RALGPS1: variants seen among roughly 807,000 people sequenced by gnomAD.
The protein encoded by RALGPS1 is Ral GEF with PH domain and SH3 binding motif 1.
Under a neutral mutation model 78.8 loss-of-function variants are expected in RALGPS1, and 19 were observed. The observed-to-expected ratio is 0.24, with a 90% CI of 0.17 to 0.35. The LOEUF (loss-of-function observed/expected upper bound fraction) is 0.35. RALGPS1 is among the 10% of genes least tolerant of loss of function. The pLI, the probability that RALGPS1 is intolerant of heterozygous loss-of-function variation, is 1.00. For missense variants in RALGPS1, 454 were observed against 688.3 expected, an observed-to-expected ratio of 0.66 and a Z score of 3.81; for synonymous variants, 228 against 256.3, an observed-to-expected ratio of 0.89 and a Z score of 1.06.
chr9:127,091,732 G>A lies in RALGPS1; in HGVS notation c.610+22376G>A. On this transcript the variant is annotated intron_variant, in intron 8 of 18. Coordinates refer to ENST00000259351, the MANE Select transcript of RALGPS1 (RefSeq NM_014636.3). This position sits in a 1 kb window ranked among gnomAD's most constrained non-coding sequence, Gnocchi z 4.3. Reference sequence around the variant, plus strand: ...CTGCTTGCCGTTGTGCCATGTAAAGGAGTCACCCGCATTGCCATGGTAGCG... The same window carrying A: ...CTGCTTGCCGTTGTGCCATGTAAAGAAGTCACCCGCATTGCCATGGTAGCG... 1 of 1,614,060 alleles carries A rather than the reference G, an allele frequency of 6.2e-7. No individual in the cohort carries two copies. Among genetic ancestry groups the A allele is most frequent in the Non-Finnish European group, 8.5e-7 (1 of 1,180,022 alleles).
chr9:126,940,328 A>C (rs997651958), intron 1 of RALGPS1, among the ~76,000 whole-genome samples: 3 of 152,108 alleles, frequency 2.0e-5, no homozygotes. Context: ...AGTCCAAGCC[A>C]CGTAAATTCT....
chr9:127,151,848 C>T (rs1026858759), intron 8 of RALGPS1, among the ~76,000 whole-genome samples: 16 of 152,058 alleles, frequency 1.1e-4, no homozygotes, highest in African/African-American at 3.9e-4. Flanking sequence ...GGAAAACACC[C>T]TTCTCTGGGT....
At chr9:126,965,656 A>G (rs1449805176) in intron 2 of RALGPS1, among the ~76,000 whole-genome samples, 188 bp from the exon 3 acceptor site, 2 of 152,242 alleles carry the variant, frequency 1.3e-5, no homozygotes, top group African/African-American at 2.4e-5. Context: ...ACATGTGAGA[A>G]GGAAATAAGA....
chr9:127,164,857 T>G (rs542077834), intron 8 of RALGPS1, among the ~76,000 whole-genome samples: 96 of 152,294 alleles, frequency 6.3e-4, no homozygotes, highest in African/African-American at 2.2e-3. Flanking sequence ...TTGTTAACGT[T>G]GTTACTGTAA....
chr9:127,209,519 G>C (rs2062119185), intron 14 of RALGPS1, among the ~76,000 whole-genome samples: 1 of 152,194 alleles, frequency 6.6e-6, no homozygotes, highest in African/African-American at 2.4e-5. Context: ...GGTGGGGTCA[G>C]CCTATTACCA....
intron 8 of RALGPS1, among the ~76,000 whole-genome samples, chr9:127,115,809 A>G (rs996127842): frequency 1.3e-5 from 2 of 152,220 alleles, no homozygotes; most frequent in African/African-American, 4.8e-5. Flanking sequence ...AGACCCCAAA[A>G]TGGGCATCTG....
intron 14 of RALGPS1, among the ~76,000 whole-genome samples, chr9:127,207,906 G>A (rs982610997): frequency 6.6e-6 from 1 of 152,232 alleles, no homozygotes; most frequent in Non-Finnish European, 1.5e-5. Context: ...CAGCCACCCC[G>A]GCACAGGCCC....
At chr9:126,988,329 C>T (rs1178159499) in intron 4 of RALGPS1, among the ~76,000 whole-genome samples, 1 of 152,110 alleles carries the variant, frequency 6.6e-6, no homozygotes, top group Non-Finnish European at 1.5e-5. Context: ...GGCAGTGAGG[C>T]TTGGAAGGGA....
intron 13 of RALGPS1, 149 bp from the exon 14 acceptor site, chr9:127,198,865 CA>C (rs2061472888): frequency 2.7e-6 from 2 of 729,594 alleles, no homozygotes; most frequent in Non-Finnish European, 2.5e-6. Flanking sequence ...GAACTCACAG[CA>C]AAAACTCGAG....
chr9:127,080,343 G>A (rs1367858294), intron 8 of RALGPS1, among the ~76,000 whole-genome samples: 1 of 152,190 alleles, frequency 6.6e-6, no homozygotes, highest in Non-Finnish European at 1.5e-5. Flanking sequence ...ATTGCTTGTT[G>A]TAAAAATTAT....
chr9:126,923,106 G>A (rs1006061806), intron 1 of RALGPS1, among the ~76,000 whole-genome samples: 3 of 152,148 alleles, frequency 2.0e-5, no homozygotes. Flanking sequence ...GTAAATAGTG[G>A]GCTCCCAGTG....
chr9:127,113,387 C>T (rs922161282), intron 8 of RALGPS1, among the ~76,000 whole-genome samples: 1 of 152,100 alleles, frequency 6.6e-6, no homozygotes, highest in African/African-American at 2.4e-5. Flanking sequence ...AATTCCTCCC[C>T]TCCCCCCAGC....
intron 13 of RALGPS1, among the ~76,000 whole-genome samples, chr9:127,198,107 TTTGG>T (rs1228786267): frequency 6.6e-6 from 1 of 152,212 alleles, no homozygotes; most frequent in Non-Finnish European, 1.5e-5. Flanking sequence ...CATAAGGTTG[TTTGG>T]TTCCCGGCTC....
chr9:127,052,230 C>G (rs755408364), intron 6 of RALGPS1, among the ~76,000 whole-genome samples: 1 of 152,232 alleles, frequency 6.6e-6, no homozygotes, highest in Middle Eastern at 3.2e-3. Context: ...TAGCAGGTTT[C>G]TCTTAGCATA....
intron 8 of RALGPS1, among the ~76,000 whole-genome samples, chr9:127,120,566 G>A (rs1406832565): frequency 6.6e-6 from 1 of 152,238 alleles, no homozygotes; most frequent in Non-Finnish European, 1.5e-5. Flanking sequence ...GCTCACGCCT[G>A]CAATCCCAGC....
intron 11 of RALGPS1, among the ~76,000 whole-genome samples, chr9:127,189,862 G>A (rs1890546): frequency 0.53 from 80,292 of 152,154 alleles, 21,639 homozygotes; most frequent in South Asian, 0.72. Flanking sequence ...CCCCTGGTCC[G>A]TGGCACAGGG....
intron 11 of RALGPS1, among the ~76,000 whole-genome samples, chr9:127,180,334 C>T (rs2060136524): frequency 6.6e-6 from 1 of 152,200 alleles, no homozygotes. Context: ...CAGCCTTGGC[C>T]TCTGGTTTCT....
At chr9:127,147,922 G>GA (rs2058191488) in intron 8 of RALGPS1, among the ~76,000 whole-genome samples, 1 of 151,974 alleles carries the variant, frequency 6.6e-6, no homozygotes, top group Non-Finnish European at 1.5e-5. Flanking sequence ...TGCTCATCTT[G>GA]AAAAAATGGA....
At chr9:127,076,455 G>C (rs890206873) in intron 8 of RALGPS1, among the ~76,000 whole-genome samples, 1 of 152,174 alleles carries the variant, frequency 6.6e-6, no homozygotes, top group African/African-American at 2.4e-5. Flanking sequence ...AATTTACCCA[G>C]ACTTCTAACA....
Sources: allele counts gnomAD v4.1 joint callset (sites outside exome capture counted in the v4.1 genomes callset), GRCh38; gene constraint gnomAD v4.1.1; non-coding constraint Gnocchi (gnomAD v3.1); transcripts MANE v1.5; gene names NCBI Gene and HGNC (gene_info 2026-07-23, HGNC 2026-07-21).